USP47: variants seen among roughly 807,000 people sequenced by gnomAD.
USP47 encodes ubiquitin specific peptidase 47, also known as ubiquitin carboxyl-terminal hydrolase 47.
Under a neutral mutation model 165.1 loss-of-function variants are expected in USP47, and 35 were observed. The observed-to-expected ratio is 0.21, with a 90% CI of 0.16 to 0.28. The LOEUF (loss-of-function observed/expected upper bound fraction) is 0.28, where lower values mean the gene tolerates loss of function less well. Ranked by LOEUF, USP47 falls within the 10% of genes least tolerant of loss-of-function variation. The probability of loss-of-function intolerance (pLI) is 1.00; values close to 1 mark genes in which losing one functional copy is unlikely to be tolerated. For missense variants in USP47, 1,277 were observed against 1,607.4 expected (o/e 0.79, Z 3.52); for synonymous variants, 531 against 544.5 (o/e 0.98, Z 0.35).
At chr11:11,897,335 T>C (rs1020173781) in intron 4 of USP47, among the ~76,000 whole-genome samples, 3 of 152,048 alleles carry the variant, frequency 2.0e-5, no homozygotes, top group Non-Finnish European at 4.4e-5. Flanking sequence ...ACTCTTAAAA[T>C]GTTAATGTCA....
At chr11:11,906,019 TA>T (rs1852538767) in intron 8 of USP47, among the ~76,000 whole-genome samples, 1 of 152,094 alleles carries the variant, frequency 6.6e-6, no homozygotes, top group Non-Finnish European at 1.5e-5. Flanking sequence ...ATATTTAGTT[TA>T]AAAAATATAC....
In USP47 at chr11:11,956,349, C is replaced by T; in HGVS notation, c.*174C>T. 1 of 549,180 alleles carries T rather than the reference C, an allele frequency of 1.8e-6. No homozygotes were observed. Among genetic ancestry groups the T allele is most frequent in the Non-Finnish European group, 3.2e-6 (1 of 315,536 alleles). 34.0% of individuals were successfully genotyped at this position (549,180 alleles called of 1,614,324 possible). The stretch of plus-strand genomic sequence containing the variant: ...AGTGCCCAATGGGCCACTGTTTTGA[C>T]TCGGAATCATGTTGTGCACTATAGT... On this transcript the variant is annotated 3_prime_UTR_variant, in exon 28 of 28. Coordinates refer to ENST00000527733, the MANE Select transcript of USP47 (RefSeq NM_001282659.2).
chr11:11,911,977 A>G (rs1050801098), intron 8 of USP47, among the ~76,000 whole-genome samples: 22 of 152,130 alleles, frequency 1.4e-4, no homozygotes, highest in African/African-American at 5.3e-4. Flanking sequence ...TAAATGATCC[A>G]TGGGTCAAAG....
chr11:11,886,442 T>C (rs1462609551), intron 3 of USP47, among the ~76,000 whole-genome samples: 1 of 152,088 alleles, frequency 6.6e-6, no homozygotes, highest in African/African-American at 2.4e-5. Context: ...AACTTTACAG[T>C]GCAATGACAA....
intron 13 of USP47, among the ~76,000 whole-genome samples, chr11:11,930,442 G>A (rs1384633011): frequency 6.6e-6 from 1 of 152,088 alleles, no homozygotes. Context: ...GTTGTATGTA[G>A]ACATTCCAAT....
intron 8 of USP47, among the ~76,000 whole-genome samples, chr11:11,916,803 CT>C (rs2134565181): frequency 6.6e-6 from 1 of 152,158 alleles, no homozygotes; most frequent in East Asian, 1.9e-4. Flanking sequence ...TCAAGTCTAC[CT>C]TTTGAAGGAC....
intron 7 of USP47, among the ~76,000 whole-genome samples, chr11:11,903,812 G>A (rs1852378350): frequency 1.3e-5 from 2 of 152,152 alleles, no homozygotes; most frequent in African/African-American, 4.8e-5. Flanking sequence ...GTAATGGAAA[G>A]AGGAGCAGGT....
chr11:11,877,618 C>A (rs1019027616), intron 1 of USP47, among the ~76,000 whole-genome samples: 1 of 151,774 alleles, frequency 6.6e-6, no homozygotes, highest in African/African-American at 2.4e-5. Context: ...ATTATTAATC[C>A]GTATACTAAC....
intron 8 of USP47, among the ~76,000 whole-genome samples, chr11:11,913,017 C>T (rs546923547): frequency 7.2e-5 from 11 of 152,006 alleles, no homozygotes; most frequent in South Asian, 6.2e-4. Flanking sequence ...GATTAAAAAA[C>T]GTATCTAAAA....
In USP47 at chr11:11,960,000, T is replaced by C. The variant is rs1337652149; in HGVS notation, c.*3825T>C. Among the ~76,000 whole-genome samples the C allele has an allele frequency of 6.6e-6, 1 of 152,204 alleles. No homozygotes were observed. The highest frequency in any genetic ancestry group is 1.5e-5 in the Non-Finnish European group (1 of 68,044). On this transcript the variant is annotated 3_prime_UTR_variant, in exon 28 of 28. Transcript: ENST00000527733. ...GTATAATTTATGGAGATAAAAATAC[T>C]CAATGCTTACATTTTTTTCATAACT...
intron 24 of USP47, chr11:11,951,653 A>C (rs879388633): frequency 6.6e-6 from 1 of 152,178 alleles, no homozygotes; most frequent in East Asian, 1.9e-4. Context: ...AGATTATCCT[A>C]GTTTTTAGAG....
rs201713726 is a variant in USP47, at chr11:11,952,743, G to A, written c.3586G>A (p.Val1196Ile). 4 of 1,597,100 alleles carry A rather than the reference G, an allele frequency of 2.5e-6. No individual in the cohort carries two copies. Among genetic ancestry groups the A allele is most frequent in the East Asian group, 2.3e-5 (1 of 43,532 alleles). The stretch of plus-strand genomic sequence containing the variant: ...GACCTAATCTTGCATATTCTTAGGG[G>A]TAGAGAAGATGAAGTCCATGTCACA... ...WEVFLEVLDG[V>I]EKMKSMSQLA... The change falls in exon 25 of 28, where the codon GTA becomes ATA. Residue 1196 changes from valine to isoleucine, a missense_variant and splice_region_variant. By Grantham distance (29) the Val-to-Ile change is conservative. Coordinates refer to ENST00000527733, the MANE Select transcript of USP47 (RefSeq NM_001282659.2).
intron 4 of USP47, among the ~76,000 whole-genome samples, chr11:11,892,333 T>C (rs1425474014): frequency 6.6e-6 from 1 of 152,134 alleles, no homozygotes; most frequent in East Asian, 1.9e-4. Flanking sequence ...GTAAACATTA[T>C]TGAATATTAT....
intron 1 of USP47, among the ~76,000 whole-genome samples, chr11:11,879,274 T>G (rs1026292703): frequency 6.6e-6 from 1 of 152,080 alleles, no homozygotes; most frequent in South Asian, 2.1e-4. Context: ...TTTTGGAGAC[T>G]ATGTGAGGTA....
At chr11:11,926,810 C>T (rs1391646203) in intron 11 of USP47, among the ~76,000 whole-genome samples, 5 of 147,548 alleles carry the variant, frequency 3.4e-5, no homozygotes, top group African/African-American at 1.2e-4. Context: ...TTTGAGATGT[C>T]TTCTTTTTTT....
In USP47 at chr11:11,884,501, T is replaced by C. The variant is rs747206217; in HGVS notation, c.278T>C (p.Leu93Pro). 5 of 1,611,914 alleles carry C rather than the reference T, an allele frequency of 3.1e-6. No individual in the cohort carries two copies. The highest frequency in any genetic ancestry group is 4.2e-6 in the Non-Finnish European group (5 of 1,179,248). Residue 93 changes from leucine (L) to proline (P), a missense_variant, in exon 3 of 28, where the codon CTC (leucine) becomes CCC (proline). This residue lies in a region of USP47 where 181 missense variants were observed against 194.7 expected (regional missense o/e 0.93). Coordinates refer to ENST00000527733, the MANE Select transcript of USP47 (RefSeq NM_001282659.2). Reference sequence around the variant, plus strand: ...GATCATACCAGTGACAAGTCACTTCTCGACGCTAATTTTGAGCCAGGAAAG... The same window carrying C: ...GATCATACCAGTGACAAGTCACTTCCCGACGCTAATTTTGAGCCAGGAAAG... ...PLDHTSDKSL[L>P]DANFEPGKKN...
intron 19 of USP47, among the ~76,000 whole-genome samples, chr11:11,941,523 A>G (rs1287376936): frequency 1.3e-5 from 2 of 152,032 alleles, no homozygotes; most frequent in Non-Finnish European, 2.9e-5. Flanking sequence ...AAACGTAAAC[A>G]AAAGTAGAGA....
intron 8 of USP47, among the ~76,000 whole-genome samples, chr11:11,910,370 C>G (rs1490852207): frequency 4.6e-5 from 7 of 152,112 alleles, no homozygotes; most frequent in Non-Finnish European, 1.0e-4. Context: ...AAACCCTGTT[C>G]TCTTTAACTG....
intron 3 of USP47, among the ~76,000 whole-genome samples, chr11:11,889,876 G>C (rs1004990641): frequency 6.6e-6 from 1 of 152,098 alleles, no homozygotes; most frequent in Non-Finnish European, 1.5e-5. Flanking sequence ...CAATGGAACA[G>C]AATAGAGAAC....
Sources: gnomAD v4.1 joint callset for allele counts (sites outside exome capture counted in the v4.1 genomes callset) on GRCh38, gnomAD v4.1.1 for gene constraint, gnomAD v4.1.1 regional missense constraint, MANE v1.5 for transcripts, NCBI Gene and HGNC (gene_info 2026-07-23, HGNC 2026-07-21) for gene names.